The following CCDC192 variants were observed in gnomAD, a reference collection of about 807,000 sequenced individuals.
CCDC192 encodes coiled-coil domain containing 192.
At chr5:127,765,982 C>T (rs1755201777) in intron 3 of CCDC192, among the ~76,000 whole-genome samples, 1 of 152,220 alleles carries the variant, frequency 6.6e-6, no homozygotes, top group Non-Finnish European at 1.5e-5. Flanking sequence ...TGAAATTCTT[C>T]CTCCACTGCC....
At chr5:127,919,071 A>ATG (rs753703678) in intron 6 of CCDC192, among the ~76,000 whole-genome samples, 60 of 132,370 alleles carry the variant, frequency 4.5e-4, no homozygotes, top group African/African-American at 1.4e-3. Context: ...GTGTGTGTAT[A>ATG]TATGTGTGTG....
intron 3 of CCDC192, among the ~76,000 whole-genome samples, chr5:127,762,811 T>A (rs982666512): frequency 6.6e-6 from 1 of 152,206 alleles, no homozygotes; most frequent in Non-Finnish European, 1.5e-5. Flanking sequence ...GAGATTTTCT[T>A]TGAGATGGTA....
chr5:127,839,019 T>G (rs907396615), intron 5 of CCDC192, among the ~76,000 whole-genome samples: 2 of 152,214 alleles, frequency 1.3e-5, no homozygotes, highest in African/African-American at 4.8e-5. Context: ...TAAATGGTTT[T>G]CACCTGAACC....
intron 6 of CCDC192, among the ~76,000 whole-genome samples, chr5:127,878,546 C>T (rs1288625163): frequency 6.6e-6 from 1 of 152,152 alleles, no homozygotes; most frequent in Non-Finnish European, 1.5e-5. Context: ...ATCCCAGCTA[C>T]TTGGGAGGCT....
intron 5 of CCDC192, among the ~76,000 whole-genome samples, chr5:127,851,335 G>A (rs1453548181): frequency 6.6e-6 from 1 of 152,094 alleles, no homozygotes; most frequent in African/African-American, 2.4e-5. Context: ...CATTCACCTA[G>A]CTTTTGGTCA....
At chr5:127,702,918 CT>C (rs1394755332), upstream of CCDC192, among the ~76,000 whole-genome samples, 1 of 152,212 alleles carries the variant, frequency 6.6e-6, no homozygotes, top group African/African-American at 2.4e-5. Context: ...CAATGAATCA[CT>C]TGTGCAATCC....
chr5:127,796,261 C>T (rs540179740), intron 3 of CCDC192, among the ~76,000 whole-genome samples: 118 of 152,240 alleles, frequency 7.8e-4, no homozygotes, highest in Admixed American at 1.4e-3. Context: ...ATTAAGTTTT[C>T]TCAAAATGAG....
At chr5:127,817,852 G>T (rs1749097193) in intron 5 of CCDC192, among the ~76,000 whole-genome samples, 1 of 152,118 alleles carries the variant, frequency 6.6e-6, no homozygotes, top group African/African-American at 2.4e-5. Context: ...CTGGAAACAT[G>T]TATTTTTATT....
At chr5:127,729,172 G>T (rs1454540524) in intron 2 of CCDC192, among the ~76,000 whole-genome samples, 1 of 152,090 alleles carries the variant, frequency 6.6e-6, no homozygotes, top group Non-Finnish European at 1.5e-5. Context: ...CTCCCAAAGT[G>T]CTGGGAATAC....
intron 2 of CCDC192, 34 bp downstream of exon 2, chr5:127,707,794 A>T: frequency 2.5e-6 from 1 of 397,938 alleles, no homozygotes; most frequent in East Asian, 3.6e-5. Context: ...TTCTTTATTT[A>T]AAAAAATCAT....
At chr5:127,891,889 C>T (rs1752743345) in intron 6 of CCDC192, among the ~76,000 whole-genome samples, 1 of 152,126 alleles carries the variant, frequency 6.6e-6, no homozygotes, top group South Asian at 2.1e-4. Context: ...TTTAGGTTAC[C>T]TAACAATTTT....
intron 6 of CCDC192, among the ~76,000 whole-genome samples, chr5:127,890,312 G>T (rs245169): frequency 0.27 from 41,722 of 151,904 alleles, 5,952 homozygotes; most frequent in African/African-American, 0.34. Flanking sequence ...GGGTGGTCGA[G>T]GCTACAGTGA....
intron 5 of CCDC192, among the ~76,000 whole-genome samples, chr5:127,811,210 T>C (rs775201141): frequency 4.6e-5 from 7 of 152,184 alleles, no homozygotes; most frequent in Non-Finnish European, 7.3e-5. Context: ...GTTTTTCTAC[T>C]TCCTTTTCTT....
chr5:127,713,335 A>C (rs1481924067), intron 2 of CCDC192, among the ~76,000 whole-genome samples: 3 of 152,070 alleles, frequency 2.0e-5, no homozygotes, highest in Non-Finnish European at 4.4e-5. Flanking sequence ...GCAACTTTTC[A>C]CTTGCTTATT....
chr5:127,765,055 A>G (rs1250525878), intron 3 of CCDC192, among the ~76,000 whole-genome samples: 4 of 152,208 alleles, frequency 2.6e-5, no homozygotes, highest in Non-Finnish European at 5.9e-5. Flanking sequence ...AGTGACATGC[A>G]GTGGTCTAGT....
rs182626703 is a variant in CCDC192, at chr5:127,789,194, C to T, written c.223-7909C>T. On this transcript the variant is annotated intron_variant, in intron 3 of 6. Transcript: ENST00000514853. ...AACAAGAAGTGGGATGCTACTGTAA[C>T]ATATACCTTAAAATGAGTTTTGAGC... is the stretch of plus-strand genomic sequence containing the variant. 9.2e-5 allele frequency among the ~76,000 whole-genome samples: 14 copies of T among 152,282 alleles called. No individual in the cohort carries two copies. The East Asian group carries it at 2.3e-3, about 25-fold the overall frequency.
At chr5:127,732,924 G>C (rs1167479200) in intron 2 of CCDC192, among the ~76,000 whole-genome samples, 1 of 152,122 alleles carries the variant, frequency 6.6e-6, no homozygotes, top group African/African-American at 2.4e-5. Context: ...TGGGTTGATA[G>C]ATGCAGCAAA....
chr5:127,852,468 ACT>A (rs373478466), intron 5 of CCDC192, among the ~76,000 whole-genome samples: 2 of 152,086 alleles, frequency 1.3e-5, no homozygotes, highest in East Asian at 3.9e-4. Context: ...ACATTTACAC[ACT>A]CTGAGGGGTC....
chr5:127,775,721 T>G (rs1268942489), intron 3 of CCDC192, among the ~76,000 whole-genome samples: 1 of 152,186 alleles, frequency 6.6e-6, no homozygotes, highest in East Asian at 1.9e-4. Context: ...CTCCCATAAT[T>G]CCCACATGTT....
Sources: gnomAD v4.1 joint callset for allele counts (sites outside exome capture counted in the v4.1 genomes callset) on GRCh38, gnomAD v4.1.1 for gene constraint, MANE v1.5 for transcripts, NCBI Gene and HGNC (gene_info 2026-07-23, HGNC 2026-07-21) for gene names.